The following FZD5 variants were observed in gnomAD, a reference collection of about 807,000 sequenced individuals.
FZD5 encodes the protein frizzled-5.
In FZD5, 12 loss-of-function variants were observed where a neutral mutation model predicts 40.8. The ratio of observed to expected loss-of-function variants is 0.29; its 90% CI spans 0.19 to 0.48. The LOEUF is 0.48. FZD5 is among the 20% of genes least tolerant of loss of function. The pLI, the probability that FZD5 is intolerant of heterozygous loss-of-function variation, is 0.99. For synonymous variants in FZD5, 380 were observed against 383.7 expected (o/e 0.99, Z 0.11); for missense variants, 622 against 832.8 (o/e 0.75, Z 3.12).
Position 207,768,772 on chromosome 2 carries a change from G to T in FZD5, c.-33C>A, listed in dbSNP as rs2091995769. 2.7e-6 allele frequency: 4 copies of T among 1,478,734 alleles called. No individual in the cohort carries two copies. Among genetic ancestry groups the T allele is most frequent in the South Asian group, 2.7e-5 (2 of 75,144 alleles). 91.6% of individuals were successfully genotyped at this position (1,478,734 alleles called of 1,614,324 possible). ...TCCCTCCCCTCGCCTCCAGCAGCCC[G>T]CGAGGGACGCACACAGGCAGAGGAA... On this transcript the variant is annotated 5_prime_UTR_variant, in exon 2 of 2. Coordinates refer to ENST00000295417, the MANE Select transcript of FZD5 (RefSeq NM_003468.4).
rs1350165113 is a variant in FZD5 at position 207,768,235 on chromosome 2, G to A, written c.505C>T (p.Leu169Phe). The part of the protein sequence containing the change: ...PPRPFPAKPT[L>F]PGPPGAPASG... ...GCCGGCGCCCCTGGCGGGCCTGGAAGGGTGGGCTTGGCTGGGAAAGGCCTG... is the reference window on the plus strand; with the variant it reads ...GCCGGCGCCCCTGGCGGGCCTGGAAAGGTGGGCTTGGCTGGGAAAGGCCTG... Residue 169 changes from leucine to phenylalanine, a missense_variant, in exon 2 of 2, where the codon CTT becomes TTT. Leu to Phe is a conservative substitution (Grantham distance 22, BLOSUM62 0). This residue lies in a region of FZD5 where 116 missense variants were observed against 117.7 expected (regional missense o/e 0.99). Coordinates refer to ENST00000295417, the MANE Select transcript of FZD5 (RefSeq NM_003468.4). 11 of 1,559,122 alleles carry A rather than the reference G, an allele frequency of 7.1e-6. No homozygotes were observed. The highest frequency in any genetic ancestry group is 9.5e-6 in the Non-Finnish European group (11 of 1,158,112).
In FZD5 at chr2:207,768,806, G is replaced by T. The variant is rs1323422790; in HGVS notation, c.-67C>A. ...GCACACAGGCAGAGGAATCCGGGCC[G>T]GGGCTTCTCCCTCCGGCGTCTCGTG... On this transcript the variant is annotated 5_prime_UTR_variant, in exon 2 of 2. Coordinates refer to ENST00000295417, the MANE Select transcript of FZD5 (RefSeq NM_003468.4). 2 of 1,289,184 alleles carry T rather than the reference G, an allele frequency of 1.6e-6. No individual in the cohort carries two copies. The highest frequency in any genetic ancestry group is 5.3e-5 in the East Asian group (2 of 37,876). 79.9% of individuals were successfully genotyped at this position (1,289,184 alleles called of 1,614,324 possible). A position where few individuals can be genotyped will look rare whatever the true frequency, so the allele number is the denominator to read the frequency against.
Position 207,766,082 on chromosome 2 carries a change from AAAAAAAAAAAAAAAG to A in FZD5, c.*885_*899del, listed in dbSNP as rs2091978178. The A allele has an allele frequency of 1.0e-5, 1 of 98,672 alleles. No homozygotes were observed. The highest frequency in any genetic ancestry group is 3.3e-5 in the African/African-American group (1 of 29,876). The allele number at this position is 98,672 out of a possible 1,614,324, so 6.1% of individuals were successfully genotyped here. A position where few individuals can be genotyped will look rare whatever the true frequency, so the allele number is the denominator to read the frequency against. On this transcript the variant is annotated 3_prime_UTR_variant, in exon 2 of 2. Transcript: ENST00000295417. ...TAACACAAGTTCCTTAAAAAAAAAA[AAAAAAAAAAAAAAAG>A]GGGATCACTGAAGCTTAAGAACCAC...
At position 207,768,592 on chromosome 2, in the gene FZD5, G is replaced by C. The variant is rs2091994342; in HGVS notation, c.148C>G (p.His50Asp). The change falls in exon 2 of 2, where the codon CAC becomes GAC. Residue 50 changes from histidine to aspartate, a missense_variant. His to Asp is a moderately conservative substitution (Grantham distance 81). Transcript: ENST00000295417. ...MCRGIGYNLTHMPNQFNHDTQ... is the reference protein window; with the variant it reads ...MCRGIGYNLTDMPNQFNHDTQ... ...TCGTGGTTGAACTGGTTGGGCATGTGCGTCAGGTTGTAGCCGATGCCGCGG... is the reference window on the plus strand; with the variant it reads ...TCGTGGTTGAACTGGTTGGGCATGTCCGTCAGGTTGTAGCCGATGCCGCGG... The C allele has an allele frequency of 6.2e-7, 1 of 1,613,834 alleles. No homozygotes were observed. Among genetic ancestry groups the C allele is most frequent in the African/African-American group, 1.3e-5 (1 of 74,926 alleles).
In FZD5 at chr2:207,763,542, G is replaced by C. The variant is rs2091965251; in HGVS notation, c.*3440C>G. The C allele has an allele frequency of 6.6e-6, 1 of 152,642 alleles. No homozygotes were observed. Among genetic ancestry groups the C allele is most frequent in the Admixed American group, 6.5e-5 (1 of 15,276 alleles). The allele number at this position is 152,642 out of a possible 1,614,324, so 9.5% of individuals were successfully genotyped here. ...GTCCCTCACACCTGCCTATACGTGTGATGTGCTCTGTCCTGTTGGCCACAT... is the reference window on the plus strand; with the variant it reads ...GTCCCTCACACCTGCCTATACGTGTCATGTGCTCTGTCCTGTTGGCCACAT... On this transcript the variant is annotated 3_prime_UTR_variant, in exon 2 of 2. Transcript: ENST00000295417.
rs754326568 is a variant in FZD5, at chr2:207,767,027, G to A, written c.1713C>T (p.Gly571=). The change falls in exon 2 of 2, where the codon GGC becomes GGT. Residue 571 remains glycine (G), a synonymous_variant. Transcript: ENST00000295417. ...AALTGRTGPP[G]PAATYHKQVS... ...CCTGCTTGTGGTAGGTGGCGGCGGGGCCCGGCGGCCCGGTCCTGCCTGTGA... is the reference window on the plus strand; with the variant it reads ...CCTGCTTGTGGTAGGTGGCGGCGGGACCCGGCGGCCCGGTCCTGCCTGTGA... 464 of 1,478,948 alleles carry A rather than the reference G, an allele frequency of 3.1e-4. No homozygotes were observed. Among genetic ancestry groups the A allele is most frequent in the Non-Finnish European group, 3.9e-4 (439 of 1,125,124 alleles). 91.6% of individuals were successfully genotyped at this position (1,478,948 alleles called of 1,614,324 possible).
Position 207,768,845 on chromosome 2 carries a change from C to T in FZD5, c.-106G>A. ...CGGCGTCTCGTGTGTGGCGCCGGGG[C>T]TGGCAACCTGTTGGTTGCTTTTTCC... On this transcript the variant is annotated 5_prime_UTR_variant, in exon 2 of 2. Transcript: ENST00000295417. 1 of 910,402 alleles carries T rather than the reference C, an allele frequency of 1.1e-6. No individual in the cohort carries two copies. Among genetic ancestry groups the T allele is most frequent in the Non-Finnish European group, 1.6e-6 (1 of 610,724 alleles). The allele number at this position is 910,402 out of a possible 1,614,324, so 56.4% of individuals were successfully genotyped here. A position where few individuals can be genotyped will look rare whatever the true frequency, so the allele number is the denominator to read the frequency against.
In FZD5 at chr2:207,766,659, G is replaced by C. The variant is rs1231408525; in HGVS notation, c.*323C>G. 1 of 230,688 alleles carries C rather than the reference G, an allele frequency of 4.3e-6. No individual in the cohort carries two copies. Among genetic ancestry groups the C allele is most frequent in the African/African-American group, 2.3e-5 (1 of 44,250 alleles). The allele number at this position is 230,688 out of a possible 1,614,324, so 14.3% of individuals were successfully genotyped here. A position where few individuals can be genotyped will look rare whatever the true frequency, so the allele number is the denominator to read the frequency against. On this transcript the variant is annotated 3_prime_UTR_variant, in exon 2 of 2. Coordinates refer to ENST00000295417, the MANE Select transcript of FZD5 (RefSeq NM_003468.4). ...GAACTTCATTACAACGCCAACCTTA[G>C]GATTGTAAAGCCCCCAAAGCAAAGG...
Position 207,766,901 on chromosome 2 carries a change from C to T in FZD5, c.*81G>A. On this transcript the variant is annotated 3_prime_UTR_variant, in exon 2 of 2. Transcript: ENST00000295417. ...GGGGCAACAGCACCATGAAGGTAAA[C>T]GGAAGTGACCTTGGCAAAACTACCA... The T allele has an allele frequency of 8.6e-7, 1 of 1,161,698 alleles. No individual in the cohort carries two copies. Among genetic ancestry groups the T allele is most frequent in the Non-Finnish European group, 1.2e-6 (1 of 864,314 alleles). 72.0% of individuals were successfully genotyped at this position (1,161,698 alleles called of 1,614,324 possible).
rs2091994043 is a variant in FZD5, at chr2:207,768,527, C to T, written c.213G>A (p.Trp71Ter). Residue 71 changes from tryptophan to a stop codon, truncating the protein, a stop_gained, in exon 2 of 2, where the codon TGG becomes TGA. Transcript: ENST00000295417. LOFTEE classifies it high-confidence loss of function. ...GCGAGCATTGGATCTCCACCAGCGG[C>T]CAGAACTGGTGCACCTCCAGGCCCG... Reference protein sequence around the residue: ...DEAGLEVHQFWPLVEIQCSPD... With the variant: ...DEAGLEVHQF The T allele has an allele frequency of 6.2e-7, 1 of 1,613,982 alleles. No homozygotes were observed. Among genetic ancestry groups the T allele is most frequent in the Non-Finnish European group, 8.5e-7 (1 of 1,179,882 alleles).
chr2:207,768,035 G>A lies in FZD5; in HGVS notation c.705C>T (p.Ala235=), dbSNP rs2091989437. ...PSFSADERTF[A]TFWIGLWSVL... ...CCGACCACAGGCCTATCCAGAAGGT[G>A]GCGAACGTGCGCTCGTCGGCACTGA... The change falls in exon 2 of 2, where the codon GCC becomes GCT. Residue 235 remains alanine, a synonymous_variant. Coordinates refer to ENST00000295417, the MANE Select transcript of FZD5 (RefSeq NM_003468.4). 6.2e-7 allele frequency: 1 copy of A among 1,611,542 alleles called. No individual in the cohort carries two copies.
At position 207,762,754 on chromosome 2, in the gene FZD5, T is replaced by C. The variant is rs2091961485; in HGVS notation, c.*4228A>G. 6.6e-6 allele frequency: 1 copy of C among 152,660 alleles called. No individual in the cohort carries two copies. Among genetic ancestry groups the C allele is most frequent in the Admixed American group, 6.5e-5 (1 of 15,286 alleles). 9.5% of individuals were successfully genotyped at this position (152,660 alleles called of 1,614,324 possible). A position where few individuals can be genotyped will look rare whatever the true frequency, so the allele number is the denominator to read the frequency against. On this transcript the variant is annotated 3_prime_UTR_variant, in exon 2 of 2. Transcript: ENST00000295417. ...TTATTTTACCTTCCCACAAATATAA[T>C]ACATACAAAATTTTTCTGAAGTAAG...
At position 207,764,970 on chromosome 2, in the gene FZD5, C is replaced by T. The variant is rs891383571; in HGVS notation, c.*2012G>A. 4 of 152,156 alleles carry T rather than the reference C, an allele frequency of 2.6e-5. No homozygotes were observed. The highest frequency in any genetic ancestry group is 9.7e-5 in the African/African-American group (4 of 41,428). The allele number at this position is 152,156 out of a possible 1,614,324, so 9.4% of individuals were successfully genotyped here. A position where few individuals can be genotyped will look rare whatever the true frequency, so the allele number is the denominator to read the frequency against. On this transcript the variant is annotated 3_prime_UTR_variant, in exon 2 of 2. Coordinates refer to ENST00000295417, the MANE Select transcript of FZD5 (RefSeq NM_003468.4). ...AATAAATAGAGGAATAAAATAGGCACAAAGTTCTGTAGCTATTTGTACGAG... is the reference window on the plus strand; with the variant it reads ...AATAAATAGAGGAATAAAATAGGCATAAAGTTCTGTAGCTATTTGTACGAG...
Position 207,768,369 on chromosome 2 carries a change from C to T in FZD5, c.371G>A (p.Gly124Asp). The stretch of plus-strand genomic sequence containing the variant: ...GCTCATGCGCTCGGGCCAGGCGAAG[C>T]CGTACTGGCGCATCAGCGGCGAGCA... ...AGCSPLMRQY[G>D]FAWPERMSCD... The change falls in exon 2 of 2, where the codon GGC becomes GAC. Residue 124 changes from glycine (G) to aspartate (D), a missense_variant. Transcript: ENST00000295417. 3.8e-6 allele frequency: 6 copies of T among 1,594,028 alleles called. No homozygotes were observed. Among genetic ancestry groups the T allele is most frequent in the Non-Finnish European group, 5.1e-6 (6 of 1,174,320 alleles).
Position 207,767,050 on chromosome 2 carries a change from T to G in FZD5, c.1690A>C (p.Thr564Pro). The G allele has an allele frequency of 3.9e-6, 6 of 1,522,988 alleles. No individual in the cohort carries two copies. Among genetic ancestry groups the G allele is most frequent in the Non-Finnish European group, 4.4e-6 (5 of 1,145,616 alleles). 94.3% of individuals were successfully genotyped at this position (1,522,988 alleles called of 1,614,324 possible). A position where few individuals can be genotyped will look rare whatever the true frequency, so the allele number is the denominator to read the frequency against. Residue 564 changes from threonine to proline, a missense_variant, in exon 2 of 2, where the codon ACA becomes CCA. This residue lies in a region of FZD5 where 154 missense variants were observed against 152.1 expected (regional missense o/e 1.01). Coordinates refer to ENST00000295417, the MANE Select transcript of FZD5 (RefSeq NM_003468.4). ...GGGCCCGGCGGCCCGGTCCTGCCTGTGAGCGCGGCGCTCGCCTCGGGGTAG... is the reference window on the plus strand; with the variant it reads ...GGGCCCGGCGGCCCGGTCCTGCCTGGGAGCGCGGCGCTCGCCTCGGGGTAG... ...GDYPEASAAL[T>P]GRTGPPGPAA... is the part of the protein sequence containing the mutation.
In FZD5 at chr2:207,768,400, C is replaced by G. The variant is rs746989497; in HGVS notation, c.340G>C (p.Ala114Pro). 6.2e-7 allele frequency: 1 copy of G among 1,605,702 alleles called. No individual in the cohort carries two copies. ...PCRSVCERAK[A>P]GCSPLMRQYG... is the part of the protein sequence containing the mutation. ...TGGCGCATCAGCGGCGAGCAGCCGGCCTTGGCGCGCTCGCACACCGAGCGG... is the reference window on the plus strand; with the variant it reads ...TGGCGCATCAGCGGCGAGCAGCCGGGCTTGGCGCGCTCGCACACCGAGCGG... Residue 114 changes from alanine to proline, a missense_variant, in exon 2 of 2, where the codon GCC becomes CCC. By Grantham distance (27) the Ala-to-Pro change is conservative. Transcript: ENST00000295417.
Position 207,768,054 on chromosome 2 carries a change from G to A in FZD5, c.686C>T (p.Ala229Val), listed in dbSNP as rs751100293. Reference sequence around the variant, plus strand: ...GAAGGTGGCGAACGTGCGCTCGTCGGCACTGAAGGACGGCTGGTAGCAGGG... The same window carrying A: ...GAAGGTGGCGAACGTGCGCTCGTCGACACTGAAGGACGGCTGGTAGCAGGG... ...AVPCYQPSFSADERTFATFWI... is the reference protein window; with the variant it reads ...AVPCYQPSFSVDERTFATFWI... The change falls in exon 2 of 2, where the codon GCC (alanine) becomes GTC (valine). Residue 229 changes from alanine (A) to valine (V), a missense_variant. This residue lies in a region of FZD5 where 116 missense variants were observed against 117.7 expected (regional missense o/e 0.99). Coordinates refer to ENST00000295417, the MANE Select transcript of FZD5 (RefSeq NM_003468.4). 1.2e-6 allele frequency: 2 copies of A among 1,612,682 alleles called. No individual in the cohort carries two copies. Among genetic ancestry groups the A allele is most frequent in the Non-Finnish European group, 8.5e-7 (1 of 1,179,380 alleles).
rs964856080 is a variant in FZD5 at position 207,769,837 on chromosome 2, C to T, written c.-828G>A. Among the ~76,000 whole-genome samples the T allele has an allele frequency of 1.3e-5, 2 of 152,156 alleles. No homozygotes were observed. The highest frequency in any genetic ancestry group is 2.4e-5 in the African/African-American group (1 of 41,548). ...CGCGCTCTCGCACCCTTTCGCCCAC[C>T]TCTGGCGAGCACGGAACCGCGCGCG... is the stretch of plus-strand genomic sequence containing the variant. On this transcript the variant is annotated 5_prime_UTR_variant, in exon 1 of 2. Transcript: ENST00000295417.
rs540422197 is a variant in FZD5 at position 207,767,216 on chromosome 2, G to A, written c.1524C>T (p.Phe508=). 2 of 1,608,736 alleles carry A rather than the reference G, an allele frequency of 1.2e-6. No homozygotes were observed. The highest frequency in any genetic ancestry group is 1.7e-6 in the Non-Finnish European group (2 of 1,178,078). The part of the protein sequence containing the change: ...PEYWVLMLKY[F]MCLVVGITSG... Reference sequence around the variant, plus strand: ...ACGTGATGCCCACCACCAGGCACATGAAGTACTTGAGCATGAGCACCCAGT... The same window carrying A: ...ACGTGATGCCCACCACCAGGCACATAAAGTACTTGAGCATGAGCACCCAGT... The change falls in exon 2 of 2, where the codon TTC becomes TTT. Residue 508 remains phenylalanine (F), a synonymous_variant. Transcript: ENST00000295417.
Sources: gnomAD v4.1 joint callset for allele counts (sites outside exome capture counted in the v4.1 genomes callset) on GRCh38, gnomAD v4.1.1 for gene constraint, gnomAD v4.1.1 regional missense constraint, MANE v1.5 for transcripts, NCBI Gene and HGNC (gene_info 2026-07-23, HGNC 2026-07-21) for gene names.